GPR135: variants seen among roughly 807,000 people sequenced by gnomAD.
GPR135 encodes the protein G-protein coupled receptor 135.
In GPR135, 17 loss-of-function variants were observed where a neutral mutation model predicts 15.0. The observed-to-expected ratio is 1.13, with a 90% CI of 0.78 to 1.70. GPR135 has a LOEUF of 1.70. Ranked by LOEUF, GPR135 falls within the 40% of genes most tolerant of loss-of-function variation. GPR135 has a pLI of 0.00. For synonymous variants in GPR135, 368 were observed against 349.4 expected, an observed-to-expected ratio of 1.05 and a Z score of -0.59; for missense variants, 776 against 727.0, an observed-to-expected ratio of 1.07 and a Z score of -0.78.
In GPR135 at chr14:59,464,262, C is replaced by T. The variant is rs766303392; in HGVS notation, c.965G>A (p.Arg322His). ...GGCCGTGCGCACCTCGCTGAAGAAG[C>T]GCAGCACGCGCGCGTAGGTGTTCAC... is the stretch of plus-strand genomic sequence containing the variant. ...RPVNTYARVLRFFSEVRTATT... is the reference protein window; with the variant it reads ...RPVNTYARVLHFFSEVRTATT... Residue 322 changes from arginine (R) to histidine (H), a missense_variant, in exon 1 of 1, where the codon CGC becomes CAC. Transcript: ENST00000395116. The T allele has an allele frequency of 1.2e-6, 2 of 1,612,024 alleles. No homozygotes were observed. Among genetic ancestry groups the T allele is most frequent in the Non-Finnish European group, 1.7e-6 (2 of 1,179,902 alleles).
chr14:59,464,388 CCCACGCT>C lies in GPR135; in HGVS notation c.832_838del (p.Ser278GlyfsTer35), dbSNP rs2139778820. On this transcript the variant is annotated frameshift_variant, in exon 1 of 1. Transcript: ENST00000395116. LOFTEE classifies it high-confidence loss of function. ...CAGCAGGTAGCAGGCCACCACCAGC[CCCACGCT>C]GAAGGCCGCGCCCAGCTGCGCGGGG... 6.2e-7 allele frequency: 1 copy of C among 1,604,274 alleles called. No homozygotes were observed. Among genetic ancestry groups the C allele is most frequent in the Admixed American group, 1.7e-5 (1 of 59,170 alleles).
At chr14:59,454,030 T>G (rs944276) in intron 6 of GPR135, among the ~76,000 whole-genome samples, 3,201 of 152,206 alleles carry the variant, frequency 0.021, 111 homozygotes, top group African/African-American at 0.073. Flanking sequence ...AATATTGAGT[T>G]TCAACTTGAT....
At position 59,463,492 on chromosome 14, in the gene GPR135, T is replaced by G; in HGVS notation, c.*250A>C. The G allele has an allele frequency of 2.0e-6, 1 of 505,300 alleles. No homozygotes were observed. Among genetic ancestry groups the G allele is most frequent in the Non-Finnish European group, 3.5e-6 (1 of 288,416 alleles). 31.3% of individuals were successfully genotyped at this position (505,300 alleles called of 1,614,324 possible). ...ATAGTGAATGTTATTTTTGTCATTT[T>G]TGGCACTTACAGTTCACAATGCTTG... On this transcript the variant is annotated 3_prime_UTR_variant, in exon 1 of 1. Coordinates refer to ENST00000395116, the MANE Select transcript of GPR135 (RefSeq NM_022571.6).
At chr14:59,453,902 A>C (rs543196504) in intron 6 of GPR135, among the ~76,000 whole-genome samples, 57 of 152,376 alleles carry the variant, frequency 3.7e-4, no homozygotes, top group Non-Finnish European at 7.2e-4. Flanking sequence ...AAGTAGTCAA[A>C]GAGGTTAGGA....
At position 59,464,219 on chromosome 14, in the gene GPR135, CATG is replaced by C; in HGVS notation, c.1005_1007del (p.Ile335del). ...CCCAGCAGCAGATGACGAAGACGAT[CATG>C]ATGAGGACGGTGGTGGCCGTGCGCA... On this transcript the variant is annotated inframe_deletion, in exon 1 of 1. Transcript: ENST00000395116. 1 of 1,611,460 alleles carries C rather than the reference CATG, an allele frequency of 6.2e-7. No homozygotes were observed. Among genetic ancestry groups the C allele is most frequent in the South Asian group, 1.1e-5 (1 of 91,084 alleles).
At position 59,463,036 on chromosome 14, in the gene GPR135, G is replaced by C. The variant is rs942297017; in HGVS notation, c.*706C>G. 1 of 152,144 alleles carries C rather than the reference G, an allele frequency of 6.6e-6. No individual in the cohort carries two copies. Among genetic ancestry groups the C allele is most frequent in the Non-Finnish European group, 1.5e-5 (1 of 68,036 alleles). The allele number at this position is 152,144 out of a possible 1,614,324, so 9.4% of individuals were successfully genotyped here. On this transcript the variant is annotated 3_prime_UTR_variant, in exon 1 of 1. Coordinates refer to ENST00000395116, the MANE Select transcript of GPR135 (RefSeq NM_022571.6). ...TTTTGGAGGTATGACGCGGGTGGAA[G>C]GAATGTTAATTTTTACATATAATCT...
chr14:59,464,224 TGAG>T lies in GPR135; in HGVS notation c.1000_1002del (p.Leu334del). ...CAGCAGATGACGAAGACGATCATGA[TGAG>T]GACGGTGGTGGCCGTGCGCACCTCG... On this transcript the variant is annotated inframe_deletion, in exon 1 of 1. Transcript: ENST00000395116. 2.5e-6 allele frequency: 4 copies of T among 1,611,518 alleles called. No homozygotes were observed. The highest frequency in any genetic ancestry group is 1.7e-6 in the Non-Finnish European group (2 of 1,179,918).
rs1889036523 is a variant in GPR135, at chr14:59,464,574, C to T, written c.653G>A (p.Arg218Gln). 4 of 1,576,662 alleles carry T rather than the reference C, an allele frequency of 2.5e-6. No individual in the cohort carries two copies. Among genetic ancestry groups the T allele is most frequent in the Non-Finnish European group, 3.4e-6 (4 of 1,171,032 alleles). The change falls in exon 1 of 1, where the codon CGG (arginine) becomes CAG (glutamine). Residue 218 changes from arginine to glutamine, a missense_variant. By Grantham distance (43) the Arg-to-Gln change is conservative. Transcript: ENST00000395116. ...CGCGCGGCGGCGGCCGATCTTCTCC[C>T]GCGGCGGCCGCACGATAGCGCAGTA... ...DRYCAIVRPP[R>Q]EKIGRRRALQ...
chr14:59,463,178 G>C lies in GPR135; in HGVS notation c.*564C>G, dbSNP rs899639236. The C allele has an allele frequency of 6.6e-6, 1 of 152,114 alleles. No individual in the cohort carries two copies. Among genetic ancestry groups the C allele is most frequent in the Non-Finnish European group, 1.5e-5 (1 of 68,066 alleles). 9.4% of individuals were successfully genotyped at this position (152,114 alleles called of 1,614,324 possible). ...AAAATCCTAAAATGATTTTAAATGGGTTATGAATTAAAAATTTTCCACAAA... is the reference window on the plus strand; with the variant it reads ...AAAATCCTAAAATGATTTTAAATGGCTTATGAATTAAAAATTTTCCACAAA... On this transcript the variant is annotated 3_prime_UTR_variant, in exon 1 of 1. Transcript: ENST00000395116.
chr14:59,461,235 T>C lies in GPR135; in HGVS notation c.*2507A>G, dbSNP rs1289892348. On this transcript the variant is annotated 3_prime_UTR_variant, in exon 1 of 1. Transcript: ENST00000395116. ...ATCACGATGATGATAATGATGACAG[T>C]ACCATAATTGATCATGATTGATTTC... is the stretch of plus-strand genomic sequence containing the variant. 2.0e-5 allele frequency: 3 copies of C among 152,204 alleles called. No individual in the cohort carries two copies. The highest frequency in any genetic ancestry group is 7.2e-5 in the African/African-American group (3 of 41,448). 9.4% of individuals were successfully genotyped at this position (152,204 alleles called of 1,614,324 possible).
Position 59,464,067 on chromosome 14 carries a change from T to C in GPR135, c.1160A>G (p.Tyr387Cys). 3 of 1,613,322 alleles carry C rather than the reference T, an allele frequency of 1.9e-6. No homozygotes were observed. Among genetic ancestry groups the C allele is most frequent in the Non-Finnish European group, 2.5e-6 (3 of 1,180,012 alleles). ...CGAAATGTTGGGATTGCGGATGGCG[T>C]AGATGACAGGGTTGATGGCCCCATT... ...WANGAINPVIYAIRNPNISML... is the reference protein window; with the variant it reads ...WANGAINPVICAIRNPNISML... Residue 387 changes from tyrosine to cysteine, a missense_variant, in exon 1 of 1, where the codon TAC (tyrosine) becomes TGC (cysteine). Coordinates refer to ENST00000395116, the MANE Select transcript of GPR135 (RefSeq NM_022571.6).
Position 59,462,628 on chromosome 14 carries a change from G to A in GPR135, c.*1114C>T, listed in dbSNP as rs993578546. 5.9e-5 allele frequency: 9 copies of A among 152,144 alleles called. No individual in the cohort carries two copies. Among genetic ancestry groups the A allele is most frequent in the African/African-American group, 2.2e-4 (9 of 41,430 alleles). 9.4% of individuals were successfully genotyped at this position (152,144 alleles called of 1,614,324 possible). A position where few individuals can be genotyped will look rare whatever the true frequency, so the allele number is the denominator to read the frequency against. On this transcript the variant is annotated 3_prime_UTR_variant, in exon 1 of 1. Coordinates refer to ENST00000395116, the MANE Select transcript of GPR135 (RefSeq NM_022571.6). ...ATACCAAATTTCTAAATGTAGGAGGGTATGATCTATTTGGAAAAGTCTACG... is the reference window on the plus strand; with the variant it reads ...ATACCAAATTTCTAAATGTAGGAGGATATGATCTATTTGGAAAAGTCTACG...
chr14:59,464,285 CA>C lies in GPR135; in HGVS notation c.941del (p.Val314GlyfsTer23). 6.2e-7 allele frequency: 1 copy of C among 1,611,966 alleles called. No individual in the cohort carries two copies. The highest frequency in any genetic ancestry group is 1.1e-5 in the South Asian group (1 of 91,022). On this transcript the variant is annotated frameshift_variant, in exon 1 of 1. Coordinates refer to ENST00000395116, the MANE Select transcript of GPR135 (RefSeq NM_022571.6). LOFTEE classifies it high-confidence loss of function. ...AGCGCAGCACGCGCGCGTAGGTGTT[CA>C]CCGGCCGCACGCGCACGTCCGACAG... ...VRLSDVRVRPVNTYARVLRFF... is the reference protein window; with the variant it reads ...VRLSDVRVRPXNTYARVLRFF...
chr14:59,464,786 T>C lies in GPR135; in HGVS notation c.441A>G (p.Leu147=), dbSNP rs756280729. Residue 147 remains leucine (L), a synonymous_variant, in exon 1 of 1, where the codon CTA becomes CTG. Coordinates refer to ENST00000395116, the MANE Select transcript of GPR135 (RefSeq NM_022571.6). ...AGAGCAGCGCCGTGAGCAGATCCGA[T>C]AGGGACAGCGACAGGATGAAGGCGT... ...VTNAFILSLS[L]SDLLTALLCL... 2.5e-5 allele frequency: 39 copies of C among 1,575,282 alleles called. No individual in the cohort carries two copies. The African/African-American group carries it at 4.4e-4, about 18-fold the overall frequency.
downstream of GPR135, among the ~76,000 whole-genome samples, chr14:59,455,945 T>C (rs144553936): frequency 1.4e-4 from 22 of 152,314 alleles, no homozygotes; most frequent in African/African-American, 5.1e-4. Flanking sequence ...AGGATAGCCA[T>C]GTGATATAGT....
chr14:59,460,016 G>T (rs1447018041), downstream of GPR135, among the ~76,000 whole-genome samples: 5 of 152,174 alleles, frequency 3.3e-5, no homozygotes, highest in Admixed American at 3.3e-4. Flanking sequence ...TATTTTCTTG[G>T]AGAAGCAGCA....
chr14:59,455,970 G>A (rs1461751684), downstream of GPR135, among the ~76,000 whole-genome samples: 1 of 152,204 alleles, frequency 6.6e-6, no homozygotes, highest in Non-Finnish European at 1.5e-5. Context: ...GCAATAAGAT[G>A]TAATCAGACA....
In GPR135 at chr14:59,461,841, C is replaced by G. The variant is rs911844151; in HGVS notation, c.*1901G>C. 7 of 152,150 alleles carry G rather than the reference C, an allele frequency of 4.6e-5. No individual in the cohort carries two copies. The highest frequency in any genetic ancestry group is 1.4e-4 in the African/African-American group (6 of 41,428). 9.4% of individuals were successfully genotyped at this position (152,150 alleles called of 1,614,324 possible). On this transcript the variant is annotated 3_prime_UTR_variant, in exon 1 of 1. Transcript: ENST00000395116. ...AAGTGACTCGGTGCCAAAAAATACACAATTTTTTGCCTTTAACAGGCAAAT... is the reference window on the plus strand; with the variant it reads ...AAGTGACTCGGTGCCAAAAAATACAGAATTTTTTGCCTTTAACAGGCAAAT...
At position 59,464,895 on chromosome 14, in the gene GPR135, A is replaced by T. The variant is rs1255011237; in HGVS notation, c.332T>A (p.Leu111Gln). ...AAVAAQALVL[L>Q]LIFLLSSLGN... is the part of the protein sequence containing the mutation. ...AAGGCTAGACAGCAGGAAGATGAGCAGGAGGACGAGCGCCTGGGCCGCCAC... is the reference window on the plus strand; with the variant it reads ...AAGGCTAGACAGCAGGAAGATGAGCTGGAGGACGAGCGCCTGGGCCGCCAC... The change falls in exon 1 of 1, where the codon CTG becomes CAG. Residue 111 changes from leucine to glutamine, a missense_variant. Coordinates refer to ENST00000395116, the MANE Select transcript of GPR135 (RefSeq NM_022571.6). 2.5e-6 allele frequency: 4 copies of T among 1,605,162 alleles called. No individual in the cohort carries two copies. The highest frequency in any genetic ancestry group is 1.3e-5 in the African/African-American group (1 of 74,872).
Sources: allele counts gnomAD v4.1 joint callset (sites outside exome capture counted in the v4.1 genomes callset), GRCh38; gene constraint gnomAD v4.1.1; transcripts MANE v1.5; gene names NCBI Gene and HGNC (gene_info 2026-07-23, HGNC 2026-07-21).